The following KIF1A variants were observed in gnomAD, a reference collection of about 807,000 sequenced individuals.
KIF1A encodes kinesin family member 1A.
A neutral mutation model predicts 227.3 loss-of-function variants in KIF1A; 46 were observed. The ratio of observed to expected loss-of-function variants is 0.20; its 90% CI spans 0.16 to 0.26. KIF1A has a LOEUF of 0.26. Ranked by LOEUF, KIF1A falls within the 10% of genes least tolerant of loss-of-function variation. The pLI, the probability that KIF1A is intolerant of heterozygous loss-of-function variation, is 1.00. For missense variants in KIF1A, 1,683 were observed against 2,485.9 expected (o/e 0.68, Z 6.87); for synonymous variants, 1,022 against 1,012.8 (o/e 1.01, Z -0.17).
Position 240,789,398 on chromosome 2 carries a change from C to T in KIF1A, c.107-86G>A. On this transcript the variant is annotated intron_variant, in intron 2 of 48. Coordinates refer to ENST00000498729, the MANE Select transcript of KIF1A (RefSeq NM_001244008.2). The surrounding 1 kb of genome is among the most constrained non-coding windows in gnomAD (Gnocchi z 4.8). Reference sequence around the variant, plus strand: ...CTACACTCCAAGGTGGGGAGATGGTCTTAAGAGGCCTCGGGCCCCAGACAA... The same window carrying T: ...CTACACTCCAAGGTGGGGAGATGGTTTTAAGAGGCCTCGGGCCCCAGACAA... The T allele has an allele frequency of 8.8e-7, 1 of 1,135,324 alleles. No homozygotes were observed. The highest frequency in any genetic ancestry group is 1.8e-5 in the Admixed American group (1 of 55,092). 70.3% of individuals were successfully genotyped at this position (1,135,324 alleles called of 1,614,324 possible).
chr2:240,724,111 C>T (rs916466167), intron 40 of KIF1A, 75 bp from the exon 41 acceptor site: 4 of 1,302,900 alleles, frequency 3.1e-6, no homozygotes, highest in Non-Finnish European at 4.5e-6. Context: ...TGGCTGCTGA[C>T]TTGCCCCACT....
chr2:240,727,758 A>G (rs778648776), intron 38 of KIF1A, among the ~76,000 whole-genome samples: 4 of 152,162 alleles, frequency 2.6e-5, no homozygotes, highest in African/African-American at 4.8e-5. Flanking sequence ...TTACATCCCC[A>G]TGGGGTCGAA....
At chr2:240,794,380 T>C (rs950839746) in intron 2 of KIF1A, among the ~76,000 whole-genome samples, 4 of 152,214 alleles carry the variant, frequency 2.6e-5, no homozygotes, top group African/African-American at 9.6e-5. Flanking sequence ...CTGTCTCCCA[T>C]GCACGTGCAC....
rs1373988210 is a variant in KIF1A, at chr2:240,718,050, C to A, written c.5333G>T (p.Arg1778Leu). Residue 1778 changes from arginine (R) to leucine (L), a missense_variant and splice_region_variant, in exon 48 of 49, where the codon CGG becomes CTG. By Grantham distance (102) the Arg-to-Leu change is moderately radical. Around this residue, in one of 12 missense-constraint regions of KIF1A, gnomAD observed 384 missense variants for 410.1 expected, o/e 0.94. Coordinates refer to ENST00000498729, the MANE Select transcript of KIF1A (RefSeq NM_001244008.2). The stretch of plus-strand genomic sequence containing the variant: ...AACCTCGCCCTGCAGGCGGCCCTAC[C>A]GTATGGTCCCGGCCAGGAGGGGGTT... ...AFNPLLAGTI[R>L]SKLSRRRSAQ... is the part of the protein sequence containing the mutation. 6.2e-7 allele frequency: 1 copy of A among 1,601,540 alleles called. No individual in the cohort carries two copies. The highest frequency in any genetic ancestry group is 2.3e-5 in the East Asian group (1 of 44,432).
chr2:240,755,691 A>T (rs1047442036), intron 27 of KIF1A, among the ~76,000 whole-genome samples: 2 of 152,196 alleles, frequency 1.3e-5, no homozygotes, highest in Non-Finnish European at 2.9e-5. Context: ...TAAAATCTCA[A>T]ATCCACAAAA....
In KIF1A at chr2:240,740,768, T is replaced by C. The variant is rs1046542067; in HGVS notation, c.3750-404A>G. Among the ~76,000 whole-genome samples, 7 of 151,968 alleles carry C rather than the reference T, an allele frequency of 4.6e-5. No individual in the cohort carries two copies. The highest frequency in any genetic ancestry group is 1.7e-4 in the African/African-American group (7 of 41,368). ...AACATCTAAGGCTCCTGTCCCACTC[T>C]GGGCAAGGATCCGAGTCTCCACCAG... On this transcript the variant is annotated intron_variant, in intron 35 of 48. Coordinates refer to ENST00000498729, the MANE Select transcript of KIF1A (RefSeq NM_001244008.2). The surrounding 1 kb of genome is among the most constrained non-coding windows in gnomAD (Gnocchi z 6.1).
intron 1 of KIF1A, among the ~76,000 whole-genome samples, chr2:240,815,558 G>T (rs1173306127): frequency 6.6e-6 from 1 of 152,208 alleles, no homozygotes; most frequent in African/African-American, 2.4e-5. Flanking sequence ...ACCCCTGAGA[G>T]GGTGGCCAAA....
intron 20 of KIF1A, among the ~76,000 whole-genome samples, chr2:240,763,695 A>T (rs2050806689): frequency 6.6e-6 from 1 of 151,894 alleles, no homozygotes; most frequent in African/African-American, 2.4e-5. Flanking sequence ...TCCTTCTCAC[A>T]TCCAGTCTGG....
intron 10 of KIF1A, among the ~76,000 whole-genome samples, chr2:240,780,753 A>G (rs1310931398): frequency 7.0e-6 from 1 of 142,316 alleles, no homozygotes; most frequent in Non-Finnish European, 1.5e-5. Context: ...AGTTCTCTGC[A>G]GGCTCCCCAC....
At chr2:240,791,102 G>C (rs2055609019) in intron 2 of KIF1A, among the ~76,000 whole-genome samples, 1 of 152,066 alleles carries the variant, frequency 6.6e-6, no homozygotes. Flanking sequence ...GCAGGAGGGA[G>C]CTGGGGACTG....
rs1420631960 is a variant in KIF1A at position 240,723,956 on chromosome 2, G to A, written c.4318+19C>T. On this transcript the variant is annotated intron_variant, in intron 41 of 48. Transcript: ENST00000498729. ...AGCAGGCCAGGAACCCACCCAGTGAGAGCAGGGCAGATACCTACCTGGGCT... is the reference window on the plus strand; with the variant it reads ...AGCAGGCCAGGAACCCACCCAGTGAAAGCAGGGCAGATACCTACCTGGGCT... 6.2e-7 allele frequency: 1 copy of A among 1,608,186 alleles called. No individual in the cohort carries two copies. Among genetic ancestry groups the A allele is most frequent in the African/African-American group, 1.3e-5 (1 of 74,962 alleles).
At chr2:240,782,147 C>T (rs1575622367) in intron 10 of KIF1A, 1 of 985,338 alleles carries the variant, frequency 1.0e-6, no homozygotes, top group East Asian at 1.1e-4. Flanking sequence ...GCGCGCTCCG[C>T]GGCACCTCCG....
intron 8 of KIF1A, 147 bp downstream of exon 8, chr2:240,783,592 A>G: frequency 1.6e-6 from 1 of 631,612 alleles, no homozygotes; most frequent in South Asian, 2.0e-5. Context: ...CTGGCAGCCC[A>G]AGACCCCAGC....
chr2:240,753,763 C>A (rs1458678471), intron 27 of KIF1A, among the ~76,000 whole-genome samples: 1 of 152,148 alleles, frequency 6.6e-6, no homozygotes, highest in African/African-American at 2.4e-5. Context: ...AAAATCCACC[C>A]AGGGTCTCAG....
At chr2:240,728,321 G>A in intron 38 of KIF1A, 4 of 1,008,334 alleles carry the variant, frequency 4.0e-6, no homozygotes, top group Non-Finnish European at 5.6e-6. Flanking sequence ...AGACGCCGAG[G>A]AGAAAGGAAC....
chr2:240,815,255 C>T (rs988346546), intron 1 of KIF1A, among the ~76,000 whole-genome samples: 2 of 152,222 alleles, frequency 1.3e-5, no homozygotes, highest in Non-Finnish European at 1.5e-5. Flanking sequence ...CCCTGTCCTG[C>T]ACCATCCTGG....
intron 14 of KIF1A, 24 bp downstream of exon 14, chr2:240,772,546 G>C (rs1432088718): frequency 2.0e-5 from 31 of 1,546,232 alleles, no homozygotes; most frequent in Non-Finnish European, 2.6e-5. Flanking sequence ...CAGAGATGCA[G>C]AGAGCAGCAA....
chr2:240,739,733 G>A lies in KIF1A; in HGVS notation c.3901+325C>T, dbSNP rs76760091. Among the ~76,000 whole-genome samples the A allele has an allele frequency of 5.4e-3, 823 of 152,228 alleles. 41 individuals are homozygous for A. In the East Asian group the frequency reaches 0.13, roughly 24 times the overall value. On this transcript the variant is annotated intron_variant, in intron 37 of 48. Coordinates refer to ENST00000498729, the MANE Select transcript of KIF1A (RefSeq NM_001244008.2). This position sits in a 1 kb window ranked among gnomAD's most constrained non-coding sequence, Gnocchi z 5.6. ...AGAGAGAGAGAGCGCGCCTCTTGCC[G>A]GCACCTTGATTTTGGACCTCTGGCC...
chr2:240,734,640 G>A, intron 38 of KIF1A: 2 of 1,084,822 alleles, frequency 1.8e-6, no homozygotes, highest in Non-Finnish European at 2.5e-6. Flanking sequence ...AGGGGCATGG[G>A]GGGCGGTCAG....
Sources: allele counts gnomAD v4.1 joint callset (sites outside exome capture counted in the v4.1 genomes callset), GRCh38; gene constraint gnomAD v4.1.1; regional missense constraint gnomAD v4.1.1; non-coding constraint Gnocchi (gnomAD v3.1); transcripts MANE v1.5; gene names NCBI Gene and HGNC (gene_info 2026-07-23, HGNC 2026-07-21).